Variants in HOMER2 observed in about 807,000 individuals in gnomAD.
The protein encoded by HOMER2 is homer protein homolog 2.
Under a neutral mutation model 47.0 loss-of-function variants are expected in HOMER2, and 27 were observed. That is an observed-to-expected ratio of 0.57 (90% CI 0.42 to 0.79). The LOEUF (loss-of-function observed/expected upper bound fraction) is 0.79, where lower values mean the gene tolerates loss of function less well. HOMER2 is among the 30% of genes least tolerant of loss of function. The pLI, the probability that HOMER2 is intolerant of heterozygous loss-of-function variation, is 0.00. For missense variants in HOMER2, 443 were observed against 435.0 expected, an observed-to-expected ratio of 1.02 and a Z score of -0.16; for synonymous variants, 161 against 163.8, an observed-to-expected ratio of 0.98 and a Z score of 0.13.
intron 1 of HOMER2, among the ~76,000 whole-genome samples, chr15:82,932,676 C>G (rs1763540888): frequency 6.6e-6 from 1 of 152,228 alleles, no homozygotes; most frequent in South Asian, 2.1e-4. Context: ...CTGAGCCACA[C>G]CCCTGAGCCT....
In HOMER2 at chr15:82,864,204, G is replaced by A. The variant is rs752489637; in HGVS notation, c.350C>T (p.Thr117Met). Residue 117 changes from threonine (T) to methionine (M), a missense_variant, in exon 4 of 9, where the codon ACG (threonine) becomes ATG (methionine). Coordinates refer to ENST00000450735, the MANE Select transcript of HOMER2 (RefSeq NM_004839.4). ...KEAAKIAKDK[T>M]QEKIETSSNH... ...ACTTGAGGTCTCGATTTTCTCCTGC[G>A]TCTTGTCTTTGGCTATCTTGGCAGC... The A allele has an allele frequency of 4.5e-5, 72 of 1,611,414 alleles. No individual in the cohort carries two copies. Among genetic ancestry groups the A allele is most frequent in the Middle Eastern group, 1.6e-4 (1 of 6,080 alleles).
At chr15:82,937,708 G>A (rs1299904107) in intron 1 of HOMER2, among the ~76,000 whole-genome samples, 1 of 152,168 alleles carries the variant, frequency 6.6e-6, no homozygotes, top group Non-Finnish European at 1.5e-5. Flanking sequence ...AGGGCAAAGA[G>A]GTGACCAATG....
intron 5 of HOMER2, among the ~76,000 whole-genome samples, chr15:82,858,691 C>A (rs566197190): frequency 2.0e-5 from 3 of 152,178 alleles, no homozygotes; most frequent in African/African-American, 7.2e-5. Flanking sequence ...CACACACACA[C>A]CCTCTCTCCA....
At chr15:82,889,930 T>C (rs1253286004) in intron 2 of HOMER2, among the ~76,000 whole-genome samples, 1 of 152,146 alleles carries the variant, frequency 6.6e-6, no homozygotes, top group Non-Finnish European at 1.5e-5. Context: ...CTGTAGTAAT[T>C]AAACAACTGA....
At chr15:82,846,323 G>A (rs1344545464), downstream of HOMER2, 1 of 152,138 alleles carries the variant, frequency 6.6e-6, no homozygotes, top group African/African-American at 2.4e-5. Flanking sequence ...CAACTTTCTT[G>A]GAAAGATTCC....
intron 1 of HOMER2, among the ~76,000 whole-genome samples, chr15:82,973,924 G>C (rs527516711): frequency 6.6e-6 from 1 of 152,264 alleles, no homozygotes; most frequent in Non-Finnish European, 1.5e-5. Context: ...AAATTAGCCA[G>C]GCATGGTGGT....
At position 82,974,896 on chromosome 15, in the gene HOMER2, C is replaced by T. The variant is rs368228702; in HGVS notation, n.82+10891G>A. 1.2e-4 allele frequency among the ~76,000 whole-genome samples: 18 copies of T among 152,262 alleles called. No homozygotes were observed. The East Asian group carries it at 1.5e-3, about 13-fold the overall frequency. On this transcript the variant is annotated intron_variant and non_coding_transcript_variant, in intron 1 of 1. Coordinates refer to the HOMER2 transcript ENST00000500334. ...ACCAGCCTGGCCAACATGGTGAAAC[C>T]CTGTCTCTACTAAACATACAAAAAT...
intron 2 of HOMER2, among the ~76,000 whole-genome samples, chr15:82,878,642 C>T (rs1025011525): frequency 1.3e-5 from 2 of 152,092 alleles, no homozygotes. Context: ...TTTCATTTTT[C>T]TTTGAGATAG....
At chr15:82,876,840 C>T (rs2052364026) in intron 2 of HOMER2, among the ~76,000 whole-genome samples, 1 of 152,182 alleles carries the variant, frequency 6.6e-6, no homozygotes, top group African/African-American at 2.4e-5. Context: ...AAGGACAGAC[C>T]TTCCAGATAC....
At chr15:82,934,409 G>A (rs2054091772) in intron 1 of HOMER2, among the ~76,000 whole-genome samples, 1 of 151,872 alleles carries the variant, frequency 6.6e-6, no homozygotes, top group Non-Finnish European at 1.5e-5. Flanking sequence ...TGCTCCTTTA[G>A]TGACCCTCAC....
intron 8 of HOMER2, 37 bp from the exon 9 acceptor site, chr15:82,849,940 A>G (rs746599943): frequency 6.3e-7 from 1 of 1,591,708 alleles, no homozygotes; most frequent in Non-Finnish European, 8.6e-7. Flanking sequence ...TAGAAAACTG[A>G]GTGACGAGAG....
intron 2 of HOMER2, among the ~76,000 whole-genome samples, chr15:82,890,345 A>C (rs570275715): frequency 8.1e-4 from 124 of 152,254 alleles, no homozygotes; most frequent in African/African-American, 2.7e-3. Flanking sequence ...CTGTCTCAAA[A>C]AACAACAACA....
chr15:82,954,074 C>CA (rs554685421), upstream of HOMER2, among the ~76,000 whole-genome samples: 108 of 151,418 alleles, frequency 7.1e-4, 1 homozygote, highest in African/African-American at 2.4e-3. Flanking sequence ...CAGACTGTCT[C>CA]AAAAAAATAA....
At chr15:82,973,423 T>C (rs1346438489) in intron 1 of HOMER2, among the ~76,000 whole-genome samples, 3 of 152,188 alleles carry the variant, frequency 2.0e-5, no homozygotes, top group Admixed American at 6.5e-5. Flanking sequence ...AGGTAGGTTG[T>C]TGTGAGAATG....
At chr15:82,959,080 T>C (rs116300157) in exon 2 of HOMER2, 5,262 of 152,560 alleles carry the variant, frequency 0.034, 274 homozygotes, top group African/African-American at 0.12. Flanking sequence ...AGCTCTCTTC[T>C]GGACTCCCAA....
chr15:82,932,897 C>G (rs2041062712), intron 1 of HOMER2, among the ~76,000 whole-genome samples: 1 of 152,160 alleles, frequency 6.6e-6, no homozygotes, highest in Admixed American at 6.5e-5. Context: ...GATGCCCACA[C>G]AGAGCCAAAG....
At chr15:82,892,006 G>C (rs942722766) in intron 2 of HOMER2, among the ~76,000 whole-genome samples, 1 of 151,322 alleles carries the variant, frequency 6.6e-6, no homozygotes, top group Admixed American at 6.6e-5. Context: ...TAAAGACTTG[G>C]TGATACTTCT....
chr15:82,952,221 G>T (rs1292476893), intron 1 of HOMER2: 7 of 244,748 alleles, frequency 2.9e-5, no homozygotes, highest in African/African-American at 1.4e-4. Context: ...AAGAGACCGC[G>T]GAATGGCCGA....
chr15:82,847,352 A>C (rs139774099), downstream of HOMER2: 48 of 152,368 alleles, frequency 3.2e-4, no homozygotes, highest in African/African-American at 1.1e-3. Flanking sequence ...TTTCACGGCC[A>C]AGCCCAACTT....
Sources: gnomAD v4.1 joint callset for allele counts (sites outside exome capture counted in the v4.1 genomes callset) on GRCh38, gnomAD v4.1.1 for gene constraint, MANE v1.5 for transcripts, NCBI Gene and HGNC (gene_info 2026-07-23, HGNC 2026-07-21) for gene names.